Variants in COL17A1 observed in about 807,000 individuals in gnomAD.
COL17A1 encodes the protein collagen type XVII alpha 1 chain, also known as collagen alpha-1(XVII) chain.
In COL17A1, 181 loss-of-function variants were observed where a neutral mutation model predicts 218.4. The observed-to-expected ratio is 0.83, with a 90% confidence interval of 0.73 to 0.94. The LOEUF (loss-of-function observed/expected upper bound fraction) is 0.94. Among genes scored for constraint, COL17A1 ranks in the 40% least tolerant of loss-of-function variants. The pLI, the probability that COL17A1 is intolerant of heterozygous loss-of-function variation, is 0.00. For synonymous variants in COL17A1, 721 were observed against 731.0 expected (o/e 0.99, Z 0.22); for missense variants, 1,924 against 1,945.9 (o/e 0.99, Z 0.21).
At chr10:104,064,167 A>G (rs2086606145) in intron 10 of COL17A1, among the ~76,000 whole-genome samples, 1 of 152,208 alleles carries the variant, frequency 6.6e-6, no homozygotes, top group African/African-American at 2.4e-5. Flanking sequence ...ATTCATATGA[A>G]ATGAAACTAG....
chr10:104,050,246 G>T, intron 27 of COL17A1, 122 bp from the exon 28 acceptor site: 1 of 1,414,400 alleles, frequency 7.1e-7, no homozygotes, highest in Non-Finnish European at 9.7e-7. Flanking sequence ...TCCTGTCAGC[G>T]GATGTTGGTG....
rs574670052 is a variant in COL17A1 at position 104,058,191 on chromosome 10, C to G, written c.1223-1G>C. On this transcript the variant is annotated splice_acceptor_variant, in intron 15 of 55. Coordinates refer to ENST00000648076, the MANE Select transcript of COL17A1 (RefSeq NM_000494.4). LOFTEE classifies it high-confidence loss of function. Reference sequence around the variant, plus strand: ...TTTGTGGACACAGTCTTCAGGTCTCCTGAAAGGACAAACAGATTGACCTGA... The same window carrying G: ...TTTGTGGACACAGTCTTCAGGTCTCGTGAAAGGACAAACAGATTGACCTGA... The G allele has an allele frequency of 1.2e-6, 2 of 1,614,204 alleles. No individual in the cohort carries two copies. Among genetic ancestry groups the G allele is most frequent in the East Asian group, 2.2e-5 (1 of 44,878 alleles).
intron 6 of COL17A1, 73 bp downstream of exon 6, chr10:104,074,111 C>G: frequency 6.2e-7 from 1 of 1,611,026 alleles, no homozygotes; most frequent in Non-Finnish European, 8.5e-7. Flanking sequence ...CTACTCCCAC[C>G]ACTTCATCTC....
At chr10:104,037,152 T>A in intron 46 of COL17A1, 39 bp from the exon 47 acceptor site, 1 of 1,561,704 alleles carries the variant, frequency 6.4e-7, no homozygotes. Flanking sequence ...GCTTAGCAGG[T>A]ACTGAAGCAA....
chr10:104,035,037 G>A (rs570821300), intron 50 of COL17A1, among the ~76,000 whole-genome samples: 8 of 152,268 alleles, frequency 5.3e-5, no homozygotes, highest in Admixed American at 2.6e-4. Context: ...GCCCCAGGTC[G>A]GCCCTAATCA....
intron 39 of COL17A1, 139 bp downstream of exon 39, chr10:104,040,926 G>A: frequency 1.0e-6 from 1 of 971,350 alleles, no homozygotes; most frequent in Non-Finnish European, 1.6e-6. Context: ...CAAGCAGGAA[G>A]ATTATATAAA....
rs1564669880 is a variant in COL17A1, at chr10:104,034,274, GGGGGTC to G, written c.3821_3826del (p.Gly1274_Pro1276delinsAla). 4.4e-6 allele frequency: 7 copies of G among 1,596,076 alleles called. No homozygotes were observed. Among genetic ancestry groups the G allele is most frequent in the African/African-American group, 2.7e-5 (2 of 74,570 alleles). On this transcript the variant is annotated inframe_deletion, in exon 52 of 56. Coordinates refer to ENST00000648076, the MANE Select transcript of COL17A1 (RefSeq NM_000494.4). ...CGTGGACAGGAGGCGGCTGTCCCCA[GGGGGTC>G]CCTGCGGCCCAGGAGGGCCTGGGGG...
At chr10:104,041,791 A>G (rs1042278315) in intron 36 of COL17A1, among the ~76,000 whole-genome samples, 2 of 152,178 alleles carry the variant, frequency 1.3e-5, no homozygotes, top group African/African-American at 4.8e-5. Context: ...ATGGGGATAC[A>G]TTGGATTTCG....
intron 15 of COL17A1, among the ~76,000 whole-genome samples, chr10:104,058,428 GACCTTAA>G (rs2086552110): frequency 6.6e-6 from 1 of 152,186 alleles, no homozygotes; most frequent in Non-Finnish European, 1.5e-5. Flanking sequence ...ATTCTCTTAT[GACCTTAA>G]ACCTTAACAC....
intron 47 of COL17A1, 77 bp downstream of exon 47, chr10:104,036,968 G>T: frequency 7.4e-7 from 1 of 1,349,914 alleles, no homozygotes; most frequent in Non-Finnish European, 1.0e-6. Context: ...CTCAGACGAG[G>T]ACAAGGTTTG....
intron 11 of COL17A1, 149 bp downstream of exon 11, chr10:104,063,598 G>T (rs2086601376): frequency 1.6e-6 from 2 of 1,252,426 alleles, no homozygotes; most frequent in Non-Finnish European, 1.1e-6. Flanking sequence ...AGTTCTCCCT[G>T]TGGTTGAAGG....
Position 104,059,699 on chromosome 10 carries a change from G to A in COL17A1, c.1161C>T (p.Thr387=). ...SIAATSFSED[T]LKKEKQAAYN... ...AGGCAGCTTGCTTTTCTTTTTTTAG[G>A]GTGTCTTCTGAAAAAGAAGCTATGT... Residue 387 remains threonine (T), a synonymous_variant, in exon 15 of 56, where the codon ACC becomes ACT. Coordinates refer to ENST00000648076, the MANE Select transcript of COL17A1 (RefSeq NM_000494.4). The A allele has an allele frequency of 2.5e-6, 4 of 1,614,014 alleles. No homozygotes were observed. The highest frequency in any genetic ancestry group is 3.4e-6 in the Non-Finnish European group (4 of 1,179,984).
At chr10:104,073,771 G>A (rs577755657) in intron 6 of COL17A1, among the ~76,000 whole-genome samples, 13 of 152,260 alleles carry the variant, frequency 8.5e-5, no homozygotes, top group African/African-American at 3.1e-4. Context: ...TGAAGCACAC[G>A]CAGTTCCCTT....
At chr10:104,034,495 C>T (rs1589555062) in intron 51 of COL17A1, 126 bp downstream of exon 51, 2 of 1,501,864 alleles carry the variant, frequency 1.3e-6, no homozygotes, top group East Asian at 4.9e-5. Context: ...TGGAAGGAAA[C>T]CGGGCTTACC....
chr10:104,041,447 C>T, intron 37 of COL17A1, 38 bp downstream of exon 37: 1 of 1,607,584 alleles, frequency 6.2e-7, no homozygotes, highest in Non-Finnish European at 8.5e-7. Flanking sequence ...TCCTGTCCCC[C>T]AAACTCCCCA....
At chr10:104,054,224 A>G in intron 20 of COL17A1, 106 bp from the exon 21 acceptor site, 3 of 1,086,286 alleles carry the variant, frequency 2.8e-6, no homozygotes, top group Non-Finnish European at 4.1e-6. Flanking sequence ...CTTAGGAAAT[A>G]AAAATGCAGA....
rs756409986 is a variant in COL17A1, at chr10:104,070,440, G to A, written c.593C>T (p.Ala198Val). The change falls in exon 9 of 56, where the codon GCG (alanine) becomes GTG (valine). Residue 198 changes from alanine (A) to valine (V), a missense_variant. Physicochemically the swap from Ala to Val is moderately conservative, Grantham distance 64. Transcript: ENST00000648076. ...KGTVETKIVT[A>V]SSQSVSGTYD... ...GTCAGACTTACCCGACTGGGAGCTC[G>A]CTGTCACAATTTTGGTCTCCACAGT... 44 of 1,613,598 alleles carry A rather than the reference G, an allele frequency of 2.7e-5. No individual in the cohort carries two copies. The highest frequency in any genetic ancestry group is 3.5e-4 in the Middle Eastern group (2 of 5,718).
At chr10:104,084,064 TAACACC>T (rs1226366108) in intron 1 of COL17A1, among the ~76,000 whole-genome samples, 2 of 152,220 alleles carry the variant, frequency 1.3e-5, no homozygotes, top group Non-Finnish European at 2.9e-5. Context: ...TTTGTCTCTG[TAACACC>T]CCAGAGATGG....
At chr10:104,061,506 G>A (rs771841012) in intron 12 of COL17A1, 33 bp from the exon 13 acceptor site, 9 of 1,598,424 alleles carry the variant, frequency 5.6e-6, no homozygotes, top group South Asian at 1.1e-5. Flanking sequence ...AGCATGGGAG[G>A]GTGGTTCCAG....
Sources: gnomAD v4.1 joint callset for allele counts (sites outside exome capture counted in the v4.1 genomes callset) on GRCh38, gnomAD v4.1.1 for gene constraint, MANE v1.5 for transcripts, NCBI Gene and HGNC (gene_info 2026-07-23, HGNC 2026-07-21) for gene names.